Variants in MDN1 observed in about 807,000 individuals in gnomAD.
MDN1 encodes the protein midasin.
A neutral mutation model predicts 669.2 loss-of-function variants in MDN1; 266 were observed. The ratio of observed to expected loss-of-function variants is 0.40; its 90% CI spans 0.36 to 0.44. The LOEUF (loss-of-function observed/expected upper bound fraction) is 0.44, where lower values mean the gene tolerates loss of function less well. MDN1 is among the 20% of genes least tolerant of loss of function. The pLI, the probability that MDN1 is intolerant of heterozygous loss-of-function variation, is 1.00. For missense variants in MDN1, 5,940 were observed against 6,754.0 expected, an observed-to-expected ratio of 0.88 and a Z score of 4.22; for synonymous variants, 2,385 against 2,457.1, an observed-to-expected ratio of 0.97 and a Z score of 0.87.
intron 52 of MDN1, 42 bp downstream of exon 52, chr6:89,707,315 GCAAT>G (rs1813578815): frequency 7.5e-7 from 1 of 1,332,076 alleles, no homozygotes; most frequent in African/African-American, 1.4e-5. Context: ...GCAACATTAT[GCAAT>G]CAGATGCTTA....
At position 89,672,715 on chromosome 6, in the gene MDN1, A is replaced by G. The variant is rs778048672; in HGVS notation, c.13475-13T>C. 1.9e-5 allele frequency: 31 copies of G among 1,612,440 alleles called. No individual in the cohort carries two copies. Among genetic ancestry groups the G allele is most frequent in the Non-Finnish European group, 2.4e-5 (28 of 1,179,424 alleles). On this transcript the variant is annotated splice_polypyrimidine_tract_variant and intron_variant, in intron 80 of 101. Transcript: ENST00000369393. ...AACATTTGATTTCCTAGCAGGTAACATGGTGCAAAACAAACATACAAACAA... is the reference window on the plus strand; with the variant it reads ...AACATTTGATTTCCTAGCAGGTAACGTGGTGCAAAACAAACATACAAACAA...
chr6:89,747,764 G>A (rs896649156), intron 26 of MDN1, among the ~76,000 whole-genome samples: 1 of 151,218 alleles, frequency 6.6e-6, no homozygotes, highest in African/African-American at 2.4e-5. Context: ...GGTGGCGGGT[G>A]CCTGTAGTCC....
chr6:89,774,068 G>A (rs959430703), intron 13 of MDN1, among the ~76,000 whole-genome samples: 2 of 152,032 alleles, frequency 1.3e-5, no homozygotes, highest in African/African-American at 2.4e-5. Flanking sequence ...TGGCCCTGTC[G>A]AAACCTTGAT....
rs760423661 is a variant in MDN1 at position 89,655,900 on chromosome 6, G to C, written c.15354C>G (p.His5118Gln). 1 of 1,613,966 alleles carries C rather than the reference G, an allele frequency of 6.2e-7. No individual in the cohort carries two copies. The highest frequency in any genetic ancestry group is 1.3e-5 in the African/African-American group (1 of 74,882). Residue 5118 changes from histidine (H) to glutamine (Q), a missense_variant, in exon 92 of 102, where the codon CAC becomes CAG. His to Gln is a conservative substitution (Grantham distance 24, BLOSUM62 0). This residue lies in a region of MDN1 where 2,280 missense variants were observed against 2,576.3 expected (regional missense o/e 0.88). Coordinates refer to ENST00000369393, the MANE Select transcript of MDN1 (RefSeq NM_014611.3). ...RSMGDHNERV[H>Q]KRLRTVDTDS... ...CCGTATCCACAGTCCTCAGCCTCTT[G>C]TGCACACGCTCATTGTGATCACCCA...
intron 16 of MDN1, among the ~76,000 whole-genome samples, chr6:89,762,034 GC>G (rs1817571896): frequency 1.3e-5 from 2 of 152,150 alleles, no homozygotes; most frequent in Non-Finnish European, 2.9e-5. Context: ...AGTAAACTAA[GC>G]CAGCAAAAGC....
rs1818672877 is a variant in MDN1 at position 89,781,545 on chromosome 6, C to T, written c.1497G>A (p.Leu499=). 1 of 1,613,432 alleles carries T rather than the reference C, an allele frequency of 6.2e-7. No homozygotes were observed. The highest frequency in any genetic ancestry group is 1.1e-5 in the South Asian group (1 of 91,006). ...YPSLLAVVDH[L]LDIYIQLTGE... is the part of the protein sequence containing the mutation. Reference sequence around the variant, plus strand: ...CAGTAAGTTGGATATAAATGTCAAGCAGGTGATCAACCACTGCCAATAGGC... The same window carrying T: ...CAGTAAGTTGGATATAAATGTCAAGTAGGTGATCAACCACTGCCAATAGGC... The change falls in exon 10 of 102, where the codon CTG becomes CTA. Residue 499 remains leucine (L), a synonymous_variant. Coordinates refer to ENST00000369393, the MANE Select transcript of MDN1 (RefSeq NM_014611.3).
intron 26 of MDN1, among the ~76,000 whole-genome samples, chr6:89,747,688 G>A (rs898263276): frequency 3.3e-5 from 5 of 151,568 alleles, no homozygotes; most frequent in East Asian, 1.9e-4. Flanking sequence ...TCAGGAAATC[G>A]AGACCATCCT....
At chr6:89,754,496 C>T (rs554773522) in intron 20 of MDN1, among the ~76,000 whole-genome samples, 3 of 152,144 alleles carry the variant, frequency 2.0e-5, no homozygotes, top group Non-Finnish European at 4.4e-5. Flanking sequence ...CAAAAAGGTA[C>T]TGATAAAGAG....
intron 5 of MDN1, among the ~76,000 whole-genome samples, chr6:89,792,604 T>A (rs772490506): frequency 6.6e-6 from 1 of 152,048 alleles, no homozygotes; most frequent in African/African-American, 2.4e-5. Context: ...GTTATTTATA[T>A]GAAGTTTATG....
In MDN1 at chr6:89,775,205, C is replaced by T. The variant is rs558318576; in HGVS notation, c.1822-472G>A. On this transcript the variant is annotated intron_variant, in intron 12 of 101. Coordinates refer to ENST00000369393, the MANE Select transcript of MDN1 (RefSeq NM_014611.3). ...AGCCATTCCTCTCTTCTCCAAAGAACACAGATTTTGTTCAGGTTTGGGGCA... is the reference window on the plus strand; with the variant it reads ...AGCCATTCCTCTCTTCTCCAAAGAATACAGATTTTGTTCAGGTTTGGGGCA... 2.3e-4 allele frequency among the ~76,000 whole-genome samples: 35 copies of T among 152,292 alleles called. No homozygotes were observed. The East Asian group carries it at 6.0e-3, about 26-fold the overall frequency.
chr6:89,666,383 A>G (rs1810233078), intron 84 of MDN1, among the ~76,000 whole-genome samples: 1 of 152,220 alleles, frequency 6.6e-6, no homozygotes, highest in African/African-American at 2.4e-5. Context: ...CTCCTGCGTC[A>G]GCTTCCGAGT....
chr6:89,751,639 G>T, intron 22 of MDN1, 57 bp from the exon 23 acceptor site: 1 of 1,551,842 alleles, frequency 6.4e-7, no homozygotes, highest in Non-Finnish European at 8.7e-7. Flanking sequence ...TTCAGAGAAG[G>T]GCATAAAGTA....
intron 1 of MDN1, among the ~76,000 whole-genome samples, chr6:89,812,271 AC>A (rs59526807): frequency 0.15 from 22,274 of 151,962 alleles, 1,919 homozygotes; most frequent in South Asian, 0.21. Context: ...GGCGTGAGCC[AC>A]CGCGCCCAGC....
chr6:89,712,696 C>A lies in MDN1; in HGVS notation c.7309G>T (p.Asp2437Tyr). Residue 2437 changes from aspartate to tyrosine, a missense_variant, in exon 48 of 102, where the codon GAT (aspartate) becomes TAT (tyrosine). By Grantham distance (160) the Asp-to-Tyr change is radical. Around this residue, in one of 5 missense-constraint regions of MDN1, gnomAD observed 2,292 missense variants for 2,638.3 expected, o/e 0.87. Coordinates refer to ENST00000369393, the MANE Select transcript of MDN1 (RefSeq NM_014611.3). ...DSILGMGLWPDSVPSALFATE... is the reference protein window; with the variant it reads ...DSILGMGLWPYSVPSALFATE... The stretch of plus-strand genomic sequence containing the variant: ...GCAAAGAGAGCTGAGGGCACAGAAT[C>A]TGGCCACAGTCCCATGCCAAGAATG... 1.2e-6 allele frequency: 2 copies of A among 1,614,136 alleles called. No homozygotes were observed. The highest frequency in any genetic ancestry group is 1.7e-6 in the Non-Finnish European group (2 of 1,179,984).
At chr6:89,678,510 C>A in intron 75 of MDN1, 89 bp downstream of exon 75, 6 of 1,469,796 alleles carry the variant, frequency 4.1e-6, no homozygotes, top group Non-Finnish European at 4.7e-6. Flanking sequence ...TCTCAACTGT[C>A]TATGGAATTT....
chr6:89,780,815 ATT>A (rs67350721), intron 10 of MDN1, among the ~76,000 whole-genome samples: 118,559 of 145,110 alleles, frequency 0.82, 48,451 homozygotes, highest in East Asian at 0.95. Flanking sequence ...TAATTTTTGT[ATT>A]TTTTTTTTTT....
chr6:89,646,697 T>G (rs1047131036), intron 99 of MDN1, 94 bp from the exon 100 acceptor site: 3 of 1,108,748 alleles, frequency 2.7e-6, no homozygotes, highest in Admixed American at 1.9e-5. Context: ...TTGAAGTGAT[T>G]ATCAGATAAC....
In MDN1 at chr6:89,725,243, C is replaced by A. The variant is rs1451841795; in HGVS notation, c.5626G>T (p.Gly1876Trp). 6.2e-7 allele frequency: 1 copy of A among 1,614,036 alleles called. No individual in the cohort carries two copies. Among genetic ancestry groups the A allele is most frequent in the East Asian group, 2.2e-5 (1 of 44,866 alleles). Residue 1876 changes from glycine (G) to tryptophan (W), a missense_variant, in exon 38 of 102, where the codon GGG (glycine) becomes TGG (tryptophan). Coordinates refer to ENST00000369393, the MANE Select transcript of MDN1 (RefSeq NM_014611.3). ...GCQNPFRQGG[G>W]RKGLPRSFLN... ...AAAGACCTGGGCAAGCCTTTCCTCCCACCTCCTTGTCTAAAGGGATTCTGA... is the reference window on the plus strand; with the variant it reads ...AAAGACCTGGGCAAGCCTTTCCTCCAACCTCCTTGTCTAAAGGGATTCTGA...
rs997677172 is a variant in MDN1, at chr6:89,642,746, T to A, written c.*1259A>T. 1 of 152,242 alleles carries A rather than the reference T, an allele frequency of 6.6e-6. No individual in the cohort carries two copies. The highest frequency in any genetic ancestry group is 1.5e-5 in the Non-Finnish European group (1 of 68,044). The allele number at this position is 152,242 out of a possible 1,614,324, so 9.4% of individuals were successfully genotyped here. ...TCCCCTAGCATACCTTTTACAATCC[T>A]GTCATCTTCCATTAAGAAGAGTCAC... On this transcript the variant is annotated 3_prime_UTR_variant, in exon 102 of 102. Coordinates refer to ENST00000369393, the MANE Select transcript of MDN1 (RefSeq NM_014611.3).
Sources: gnomAD v4.1 joint callset for allele counts (sites outside exome capture counted in the v4.1 genomes callset) on GRCh38, gnomAD v4.1.1 for gene constraint, gnomAD v4.1.1 regional missense constraint, MANE v1.5 for transcripts, NCBI Gene and HGNC (gene_info 2026-07-23, HGNC 2026-07-21) for gene names.